The following COL4A4 variants were observed in gnomAD, a reference collection of about 807,000 sequenced individuals.
The protein encoded by COL4A4 is collagen alpha-4(IV) chain.
In COL4A4, 105 loss-of-function variants were observed where a neutral mutation model predicts 192.9. The ratio of observed to expected loss-of-function variants is 0.54; its 90% CI spans 0.46 to 0.64. The LOEUF (loss-of-function observed/expected upper bound fraction) is 0.64, where lower values mean the gene tolerates loss of function less well. COL4A4 is among the 30% of genes least tolerant of loss of function. The pLI is 0.00. For synonymous variants in COL4A4, 762 were observed against 769.9 expected, an observed-to-expected ratio of 0.99 and a Z score of 0.17; for missense variants, 1,967 against 2,169.3, an observed-to-expected ratio of 0.91 and a Z score of 1.85.
At chr2:226,989,668 A>G in the COL4A4 span, among the ~76,000 whole-genome samples, 1 of 152,204 alleles carries the variant, frequency 6.6e-6, no homozygotes, top group Non-Finnish European at 1.5e-5. Context: ...ATATTGCAGG[A>G]AACACTGACC....
intron 25 of COL4A4, among the ~76,000 whole-genome samples, chr2:227,070,562 C>T (rs1394155384): frequency 6.6e-6 from 1 of 152,054 alleles, no homozygotes; most frequent in African/African-American, 2.4e-5. Flanking sequence ...AGTGCATGTC[C>T]TTTGTAGGGA....
intron 35 of COL4A4, among the ~76,000 whole-genome samples, chr2:227,043,753 C>A (rs114265452): frequency 0.011 from 1,687 of 152,198 alleles, 20 homozygotes; most frequent in African/African-American, 0.039. Context: ...TACATCACAC[C>A]GTAGTGTAAT....
intron 14 of COL4A4, 86 bp downstream of exon 14, chr2:227,103,058 A>T: frequency 5.6e-6 from 7 of 1,253,158 alleles, no homozygotes; most frequent in Non-Finnish European, 8.0e-6. Context: ...CACTTAAAGC[A>T]ATGATAAAGA....
intron 25 of COL4A4, among the ~76,000 whole-genome samples, chr2:227,063,684 CCTT>C (rs1196736563): frequency 6.6e-5 from 10 of 151,862 alleles, no homozygotes; most frequent in Non-Finnish European, 1.5e-4. Flanking sequence ...ATTTAAAATA[CCTT>C]CTTTTTTCTC....
chr2:227,119,084 T>G (rs780050756), intron 6 of COL4A4, among the ~76,000 whole-genome samples: 1 of 151,830 alleles, frequency 6.6e-6, no homozygotes, highest in East Asian at 1.9e-4. Context: ...CATTTTCATA[T>G]GAGAAATGGG....
rs943845423 is a variant in COL4A4 at position 227,142,118 on chromosome 2, A to C, written c.115-1880T>G. Reference sequence around the variant, plus strand: ...GATTCAAAAAAAAAAAAAAAAAAAAACAGGAATAGTCACATATCAAGGTTT... The same window carrying C: ...GATTCAAAAAAAAAAAAAAAAAAAACCAGGAATAGTCACATATCAAGGTTT... On this transcript the variant is annotated intron_variant, in intron 3 of 47. Transcript: ENST00000396625. Among the ~76,000 whole-genome samples the C allele has an allele frequency of 8.6e-5, 12 of 139,988 alleles. No individual in the cohort carries two copies. The East Asian group carries it at 1.4e-3, about 17-fold the overall frequency. The allele number at this position is 139,988 out of a possible 152,430, so 91.8% of individuals were successfully genotyped here.
intron 28 of COL4A4, 58 bp from the exon 29 acceptor site, chr2:227,057,658 T>C (rs557724017): frequency 6.4e-7 from 1 of 1,560,726 alleles, no homozygotes; most frequent in Non-Finnish European, 8.8e-7. Flanking sequence ...AGATGGCCCA[T>C]GATGAATTGT....
chr2:227,139,178 G>GAC (rs1336631767), intron 4 of COL4A4, among the ~76,000 whole-genome samples: 1 of 152,176 alleles, frequency 6.6e-6, no homozygotes, highest in Non-Finnish European at 1.5e-5. Context: ...CCTTCAGCAA[G>GAC]ACACTGGATC....
intron 4 of COL4A4, among the ~76,000 whole-genome samples, chr2:227,130,496 C>T (rs1294100475): frequency 6.6e-6 from 1 of 152,230 alleles, no homozygotes; most frequent in Non-Finnish European, 1.5e-5. Flanking sequence ...TCTCCAGCAT[C>T]CCTGCCCCTT....
chr2:227,138,689 TG>T (rs1434625572), intron 4 of COL4A4, among the ~76,000 whole-genome samples: 2 of 151,920 alleles, frequency 1.3e-5, no homozygotes, highest in Non-Finnish European at 2.9e-5. Flanking sequence ...ACAAAATTTT[TG>T]ATGTACTGAA....
At chr2:227,051,357 C>G (rs1023349877) in intron 32 of COL4A4, among the ~76,000 whole-genome samples, 199 bp from the exon 33 acceptor site, 1 of 152,196 alleles carries the variant, frequency 6.6e-6, no homozygotes, top group Admixed American at 6.5e-5. Context: ...TATCTAAGGA[C>G]TATCAGAGGT....
rs751224120 is a variant in COL4A4, at chr2:227,030,604, C to A, written c.3818-6G>T. 5.1e-6 allele frequency: 8 copies of A among 1,576,494 alleles called. No individual in the cohort carries two copies. In the African/African-American group the frequency reaches 6.9e-5, roughly 14 times the overall value. On this transcript the variant is annotated splice_region_variant and splice_polypyrimidine_tract_variant and intron_variant, in intron 40 of 47. Coordinates refer to ENST00000396625, the MANE Select transcript of COL4A4 (RefSeq NM_000092.5). The stretch of plus-strand genomic sequence containing the variant: ...GCCTGGAGGCCCAGGTGCTCCTGAC[C>A]ACAGAGAAGAGACAAAAATATTCTT...
At position 227,090,981 on chromosome 2, in the gene COL4A4, GA is replaced by G. The variant is rs149490944; in HGVS notation, c.1370-1025del. Among the ~76,000 whole-genome samples, 349 of 150,388 alleles carry G rather than the reference GA, an allele frequency of 2.3e-3. 2 individuals are homozygous for G. The highest frequency in any genetic ancestry group is 8.0e-3 in the African/African-American group (330 of 41,164). On this transcript the variant is annotated intron_variant, in intron 20 of 47. Transcript: ENST00000396625. ...TAAATTTCAAGAATCTGTACCTCTG[GA>G]ATAAGAACAACAGTGAGGTCCAAAA...
intron 24 of COL4A4, among the ~76,000 whole-genome samples, chr2:227,078,574 T>C (rs191871583): frequency 6.6e-6 from 1 of 152,342 alleles, no homozygotes; most frequent in East Asian, 1.9e-4. Context: ...ACATATAATA[T>C]AAGCATGTGT....
intron 19 of COL4A4, among the ~76,000 whole-genome samples, chr2:227,096,305 C>G (rs533483653): frequency 6.6e-6 from 1 of 152,154 alleles, no homozygotes; most frequent in East Asian, 1.9e-4. Flanking sequence ...CCCAGCCCTT[C>G]CTGAACTCTT....
chr2:227,056,573 G>C (rs936142588), intron 29 of COL4A4, among the ~76,000 whole-genome samples: 1 of 152,140 alleles, frequency 6.6e-6, no homozygotes, highest in Non-Finnish European at 1.5e-5. Flanking sequence ...GTATATTACT[G>C]CATTTGGATA....
At position 227,069,876 on chromosome 2, in the gene COL4A4, A is replaced by C. The variant is rs558229292; in HGVS notation, c.1988-7278T>G. 2.5e-3 allele frequency among the ~76,000 whole-genome samples: 387 copies of C among 151,832 alleles called. 3 individuals carry two copies. Among genetic ancestry groups the C allele is most frequent in the African/African-American group, 9.0e-3 (371 of 41,392 alleles). On this transcript the variant is annotated intron_variant, in intron 25 of 47. Coordinates refer to ENST00000396625, the MANE Select transcript of COL4A4 (RefSeq NM_000092.5). ...AAGACAAAATTGACAAATGGGATCT[A>C]ATTAAACTAAAGAGCTTCTGCACAG...
chr2:227,091,971 T>G (rs1271023977), intron 20 of COL4A4, among the ~76,000 whole-genome samples: 1 of 151,680 alleles, frequency 6.6e-6, no homozygotes, highest in South Asian at 2.1e-4. Flanking sequence ...GAAAGCTACA[T>G]GCTGGATTAA....
chr2:227,129,163 C>T (rs931217835), intron 4 of COL4A4, among the ~76,000 whole-genome samples: 4 of 152,096 alleles, frequency 2.6e-5, no homozygotes, highest in Admixed American at 1.3e-4. Flanking sequence ...CCTGTATCTA[C>T]GACCTCATTC....
Sources: allele counts gnomAD v4.1 joint callset (sites outside exome capture counted in the v4.1 genomes callset), GRCh38; gene constraint gnomAD v4.1.1; transcripts MANE v1.5; gene names NCBI Gene and HGNC (gene_info 2026-07-23, HGNC 2026-07-21).